CTNND2: variants seen among roughly 807,000 people sequenced by gnomAD.
CTNND2 encodes the protein catenin delta 2.
CTNND2 carries 22 observed loss-of-function variants against 144.4 expected under a neutral mutation model. The observed-to-expected ratio is 0.15, with a 90% CI of 0.11 to 0.22. The LOEUF (loss-of-function observed/expected upper bound fraction) is 0.22, where lower values mean the gene tolerates loss of function less well. CTNND2 is among the 10% of genes least tolerant of loss of function. The pLI, the probability that CTNND2 is intolerant of heterozygous loss-of-function variation, is 1.00. For synonymous variants in CTNND2, 751 were observed against 695.6 expected (o/e 1.08, Z -1.25); for missense variants, 1,353 against 1,618.8 (o/e 0.84, Z 2.82).
chr5:11,478,821 T>C (rs1244538998), intron 3 of CTNND2, among the ~76,000 whole-genome samples: 1 of 152,160 alleles, frequency 6.6e-6, no homozygotes, highest in East Asian at 1.9e-4. Context: ...AATCTGAATA[T>C]AAAGAAATTC....
At chr5:11,396,566 A>T (rs1406847681) in intron 6 of CTNND2, among the ~76,000 whole-genome samples, 1 of 152,226 alleles carries the variant, frequency 6.6e-6, no homozygotes, top group East Asian at 1.9e-4. Context: ...TTTTCCAAAC[A>T]GTTCTGTTTA....
At chr5:11,746,449 T>C (rs1788321384) in intron 1 of CTNND2, among the ~76,000 whole-genome samples, 2 of 152,156 alleles carry the variant, frequency 1.3e-5, no homozygotes, top group Admixed American at 1.3e-4. Context: ...ACATGATCAC[T>C]AAGAACTGTG....
At chr5:11,079,111 A>C (rs180697143) in intron 16 of CTNND2, among the ~76,000 whole-genome samples, 2 of 129,356 alleles carry the variant, frequency 1.5e-5, no homozygotes, top group East Asian at 8.2e-4. Context: ...ATATACCACT[A>C]TCTGTAATTT....
intron 14 of CTNND2, among the ~76,000 whole-genome samples, chr5:11,108,650 G>C (rs1217167635): frequency 6.6e-6 from 1 of 152,142 alleles, no homozygotes; most frequent in Non-Finnish European, 1.5e-5. Context: ...ACTTTAAATT[G>C]ATTTATAAGC....
chr5:11,485,345 CTGTG>C (rs375624492), intron 3 of CTNND2, among the ~76,000 whole-genome samples: 463 of 148,806 alleles, frequency 3.1e-3, no homozygotes, highest in African/African-American at 9.1e-3. Flanking sequence ...GAGACAGAGA[CTGTG>C]TGTGTGTGTG....
Position 11,041,815 on chromosome 5 carries a change from T to C in CTNND2, c.2789-18836A>G, listed in dbSNP as rs367565790. 5.3e-5 allele frequency among the ~76,000 whole-genome samples: 8 copies of C among 152,290 alleles called. No individual in the cohort carries two copies. In the East Asian group the frequency reaches 1.3e-3, roughly 26 times the overall value. ...TTTACTTCTATGCAGGTCTGGGGAA[T>C]ACTAGTTTTAAAAGGTGCTATGTTA... is the stretch of plus-strand genomic sequence containing the variant. On this transcript the variant is annotated intron_variant, in intron 16 of 21. Coordinates refer to ENST00000304623, the MANE Select transcript of CTNND2 (RefSeq NM_001332.4).
chr5:11,694,637 T>C (rs932056977), intron 2 of CTNND2, among the ~76,000 whole-genome samples: 2 of 152,108 alleles, frequency 1.3e-5, no homozygotes, highest in African/African-American at 4.8e-5. Context: ...GGGTTATAAA[T>C]GCATTTTAAC....
chr5:11,306,179 A>G (rs1465614949), intron 9 of CTNND2, among the ~76,000 whole-genome samples: 1 of 152,220 alleles, frequency 6.6e-6, no homozygotes, highest in Non-Finnish European at 1.5e-5. Context: ...AGTGCGGAGA[A>G]GCCAGTTAGG....
At chr5:11,602,766 A>T (rs1304328655) in intron 2 of CTNND2, among the ~76,000 whole-genome samples, 1 of 146,166 alleles carries the variant, frequency 6.8e-6, no homozygotes, top group Admixed American at 6.9e-5. Context: ...TATATTATTA[A>T]TAGATATAAA....
At chr5:11,727,714 C>A (rs909225690) in intron 2 of CTNND2, among the ~76,000 whole-genome samples, 41 of 152,128 alleles carry the variant, frequency 2.7e-4, no homozygotes, top group African/African-American at 9.9e-4. Context: ...TCTTCTTGAC[C>A]TTTCCTAAGG....
chr5:11,315,814 C>A (rs1464072988), intron 9 of CTNND2, among the ~76,000 whole-genome samples: 3 of 152,094 alleles, frequency 2.0e-5, no homozygotes, highest in African/African-American at 7.2e-5. Flanking sequence ...GTTGGTCCTA[C>A]ATAGTAAGCT....
intron 9 of CTNND2, among the ~76,000 whole-genome samples, chr5:11,288,125 G>A (rs922525911): frequency 3.3e-5 from 5 of 152,140 alleles, no homozygotes; most frequent in Non-Finnish European, 7.4e-5. Flanking sequence ...ATTGCGGCAG[G>A]TTATTTGTTT....
chr5:11,025,519 A>T (rs1317382120), intron 16 of CTNND2, among the ~76,000 whole-genome samples: 2 of 152,186 alleles, frequency 1.3e-5, no homozygotes, highest in African/African-American at 4.8e-5. Context: ...ATAGGACTGG[A>T]GTTATTATGG....
At position 11,892,953 on chromosome 5, in the gene CTNND2, G is replaced by A. The variant is rs79289176; in HGVS notation, c.37+10864C>T. Among the ~76,000 whole-genome samples the A allele has an allele frequency of 7.0e-3, 1,061 of 152,190 alleles. 8 individuals carry two copies. Among genetic ancestry groups the A allele is most frequent in the African/African-American group, 0.025 (1,020 of 41,516 alleles). On this transcript the variant is annotated intron_variant, in intron 1 of 21. Transcript: ENST00000304623. ...AGACTAACATGCTATAAAATTCTAC[G>A]GAATAACTTTGCTTATATTTCCTCC...
At chr5:11,015,361 T>C (rs1269096700) in intron 18 of CTNND2, among the ~76,000 whole-genome samples, 2 of 152,222 alleles carry the variant, frequency 1.3e-5, no homozygotes. Flanking sequence ...CTGCATAATT[T>C]GGTAATTATT....
chr5:11,043,505 A>G (rs1285478203), intron 16 of CTNND2, among the ~76,000 whole-genome samples: 1 of 152,218 alleles, frequency 6.6e-6, no homozygotes, highest in African/African-American at 2.4e-5. Flanking sequence ...TTGTAATTGT[A>G]TGAACTGTTC....
intron 1 of CTNND2, among the ~76,000 whole-genome samples, chr5:11,882,643 G>C (rs1437570085): frequency 1.3e-5 from 2 of 152,022 alleles, no homozygotes; most frequent in African/African-American, 4.8e-5. Flanking sequence ...TTGGTGTTCT[G>C]TTTCATTGGC....
At chr5:11,237,788 A>G (rs1252915937) in intron 9 of CTNND2, among the ~76,000 whole-genome samples, 1 of 152,202 alleles carries the variant, frequency 6.6e-6, no homozygotes, top group Admixed American at 6.5e-5. Flanking sequence ...TCCAATCCAA[A>G]ATGTTGTGAT....
chr5:11,050,373 C>G (rs1745705902), intron 16 of CTNND2, among the ~76,000 whole-genome samples: 1 of 152,156 alleles, frequency 6.6e-6, no homozygotes, highest in Non-Finnish European at 1.5e-5. Flanking sequence ...CAATGATTTC[C>G]TTTACAATTT....
Sources: allele counts gnomAD v4.1 joint callset (sites outside exome capture counted in the v4.1 genomes callset), GRCh38; gene constraint gnomAD v4.1.1; transcripts MANE v1.5; gene names NCBI Gene and HGNC (gene_info 2026-07-23, HGNC 2026-07-21).